The following CALN1 variants were observed in gnomAD, a reference collection of about 807,000 sequenced individuals.
The protein encoded by CALN1 is calcium-binding protein 8.
A neutral mutation model predicts 30.6 loss-of-function variants in CALN1; 17 were observed. The observed-to-expected ratio is 0.56, with a 90% confidence interval of 0.38 to 0.83. The LOEUF (loss-of-function observed/expected upper bound fraction) is 0.83, where lower values mean the gene tolerates loss of function less well. Ranked by LOEUF, CALN1 falls within the 40% of genes least tolerant of loss-of-function variation. The pLI is 0.00. For missense variants in CALN1, 291 were observed against 354.9 expected (o/e 0.82, Z 1.45); for synonymous variants, 156 against 131.4 (o/e 1.19, Z -1.28).
intron 2 of CALN1, chr7:72,337,446 G>A: frequency 5.0e-6 from 1 of 199,376 alleles, no homozygotes. Flanking sequence ...ACACACGCAT[G>A]CACATGCACG....
intron 5 of CALN1, among the ~76,000 whole-genome samples, chr7:71,946,893 G>A (rs1030489871): frequency 3.9e-5 from 6 of 151,974 alleles, no homozygotes; most frequent in Non-Finnish European, 7.4e-5. Flanking sequence ...GTGTTGCCCA[G>A]GCTTCTCATG....
At chr7:71,885,008 C>T (rs1792815100) in intron 5 of CALN1, among the ~76,000 whole-genome samples, 1 of 152,206 alleles carries the variant, frequency 6.6e-6, no homozygotes, top group African/African-American at 2.4e-5. Context: ...TTAACCTGAA[C>T]ATTCCCTTTC....
At position 72,158,459 on chromosome 7, in the gene CALN1, C is replaced by T. The variant is rs75317379; in HGVS notation, c.245-52165G>A. 3.3e-4 allele frequency among the ~76,000 whole-genome samples: 50 copies of T among 152,316 alleles called. No homozygotes were observed. In the East Asian group the frequency reaches 9.1e-3, roughly 28 times the overall value. On this transcript the variant is annotated intron_variant, in intron 3 of 6. Transcript: ENST00000395275. ...CACTCCACCTCTCCAATCCAACCTT[C>T]GTCCTGGCCAGCAGAACCTGCTTCC...
At chr7:71,788,494 T>G (rs374415290) in intron 6 of CALN1, among the ~76,000 whole-genome samples, 3,111 of 146,456 alleles carry the variant, frequency 0.021, 55 homozygotes, top group Non-Finnish European at 0.031. Context: ...TTTTGTTGTT[T>G]TTTTTTTTTT....
chr7:72,471,691 C>T, the CALN1 span, among the ~76,000 whole-genome samples: 2 of 152,184 alleles, frequency 1.3e-5, no homozygotes, highest in Admixed American at 6.5e-5. Context: ...TGGGGAGGAG[C>T]TGGCCCATCA....
intron 4 of CALN1, among the ~76,000 whole-genome samples, chr7:72,102,089 G>A (rs1338575309): frequency 6.6e-6 from 1 of 152,060 alleles, no homozygotes; most frequent in Non-Finnish European, 1.5e-5. Context: ...GAGTACAATG[G>A]CACGATCTTG....
chr7:72,358,150 CCTAA>C (rs899331355), intron 2 of CALN1, among the ~76,000 whole-genome samples: 1 of 151,744 alleles, frequency 6.6e-6, no homozygotes, highest in South Asian at 2.1e-4. Flanking sequence ...CACCACCATG[CCTAA>C]CTAATTTTTT....
chr7:71,810,024 A>C (rs923273861), intron 6 of CALN1, among the ~76,000 whole-genome samples: 1 of 152,156 alleles, frequency 6.6e-6, no homozygotes, highest in Non-Finnish European at 1.5e-5. Flanking sequence ...CGCCCCATGC[A>C]GCCACAACCA....
intron 2 of CALN1, among the ~76,000 whole-genome samples, chr7:72,367,786 GATTGCACC>G (rs1363220458): frequency 6.6e-6 from 1 of 152,102 alleles, no homozygotes; most frequent in Non-Finnish European, 1.5e-5. Context: ...AAGAAGCTCC[GATTGCACC>G]AATGCACTCC....
chr7:72,470,572 A>G, the CALN1 span, among the ~76,000 whole-genome samples: 2 of 152,244 alleles, frequency 1.3e-5, no homozygotes, highest in African/African-American at 4.8e-5. Flanking sequence ...AGGCACATGC[A>G]GACCTAAGCC....
chr7:72,323,746 C>T (rs1020599517), intron 2 of CALN1, among the ~76,000 whole-genome samples: 2 of 151,892 alleles, frequency 1.3e-5, no homozygotes, highest in Non-Finnish European at 2.9e-5. Context: ...ACTCAACGAT[C>T]ATAATTTGCA....
chr7:71,857,353 G>A (rs1791017419), intron 5 of CALN1, among the ~76,000 whole-genome samples: 1 of 152,118 alleles, frequency 6.6e-6, no homozygotes, highest in Non-Finnish European at 1.5e-5. Flanking sequence ...TCAGAGTTAA[G>A]AATTCAATAT....
intron 3 of CALN1, among the ~76,000 whole-genome samples, chr7:72,218,707 C>CA (rs1793036284): frequency 6.6e-6 from 1 of 152,174 alleles, no homozygotes; most frequent in African/African-American, 2.4e-5. Context: ...TTAATCCACT[C>CA]AATGGGAACC....
intron 5 of CALN1, among the ~76,000 whole-genome samples, chr7:71,921,295 C>T (rs1479226527): frequency 6.6e-6 from 1 of 152,162 alleles, no homozygotes; most frequent in African/African-American, 2.4e-5. Context: ...ACCACCATGG[C>T]ATGTGTATAC....
chr7:72,321,068 T>C (rs997574857), intron 2 of CALN1, among the ~76,000 whole-genome samples: 1 of 152,164 alleles, frequency 6.6e-6, no homozygotes, highest in African/African-American at 2.4e-5. Flanking sequence ...AACCATAAGC[T>C]GTAAGTATGC....
intron 3 of CALN1, among the ~76,000 whole-genome samples, chr7:72,197,161 G>C (rs1338697988): frequency 7.6e-6 from 1 of 131,002 alleles, no homozygotes; most frequent in Non-Finnish European, 1.6e-5. Flanking sequence ...GATTTTCATT[G>C]TCAAATGGAA....
At chr7:72,067,342 A>C (rs1804092457) in intron 4 of CALN1, among the ~76,000 whole-genome samples, 1 of 152,102 alleles carries the variant, frequency 6.6e-6, no homozygotes, top group Non-Finnish European at 1.5e-5. Flanking sequence ...TCCAGGCTCA[A>C]GCTATCCTCC....
intron 3 of CALN1, among the ~76,000 whole-genome samples, chr7:72,131,303 T>C (rs1809129906): frequency 6.6e-6 from 1 of 152,170 alleles, no homozygotes; most frequent in Non-Finnish European, 1.5e-5. Flanking sequence ...GGATTCAAGA[T>C]GCTATGGTGA....
intron 6 of CALN1, among the ~76,000 whole-genome samples, chr7:71,791,265 C>A (rs1255852187): frequency 6.6e-6 from 1 of 152,174 alleles, no homozygotes; most frequent in African/African-American, 2.4e-5. Flanking sequence ...TAGGTTGATT[C>A]CATGCATGTG....
Sources: allele counts gnomAD v4.1 joint callset (sites outside exome capture counted in the v4.1 genomes callset), GRCh38; gene constraint gnomAD v4.1.1; transcripts MANE v1.5; gene names NCBI Gene and HGNC (gene_info 2026-07-23, HGNC 2026-07-21).